Variants in CYBRD1 observed in about 807,000 individuals in gnomAD.
CYBRD1 encodes cytochrome b reductase 1.
CYBRD1 carries 14 observed loss-of-function variants against 21.9 expected under a neutral mutation model. The ratio of observed to expected loss-of-function variants is 0.64; its 90% CI spans 0.42 to 1.00. The LOEUF is 1.00. Ranked by LOEUF, CYBRD1 falls within the 50% of genes least tolerant of loss-of-function variation. The pLI is 0.00. For missense variants in CYBRD1, 328 were observed against 352.5 expected, an observed-to-expected ratio of 0.93 and a Z score of 0.56; for synonymous variants, 146 against 136.5, an observed-to-expected ratio of 1.07 and a Z score of -0.48.
intron 1 of CYBRD1, among the ~76,000 whole-genome samples, chr2:171,529,586 C>A (rs1163450857): frequency 2.9e-5 from 4 of 136,962 alleles, no homozygotes; most frequent in Non-Finnish European, 4.7e-5. Flanking sequence ...CCATACTGAA[C>A]ACCAGTCTAC....
chr2:171,530,973 G>A (rs1314799729), intron 1 of CYBRD1, among the ~76,000 whole-genome samples: 2 of 151,802 alleles, frequency 1.3e-5, no homozygotes, highest in Non-Finnish European at 2.9e-5. Flanking sequence ...GCAACATGGT[G>A]AAACCCCATC....
At chr2:171,523,180 G>T in intron 1 of CYBRD1, 1 of 353,034 alleles carries the variant, frequency 2.8e-6, no homozygotes, top group South Asian at 2.2e-5. Flanking sequence ...CTGCGCGATC[G>T]GGGGCGCGGA....
intron 1 of CYBRD1, among the ~76,000 whole-genome samples, chr2:171,533,675 A>T (rs1159547064): frequency 6.6e-6 from 1 of 152,126 alleles, no homozygotes; most frequent in East Asian, 1.9e-4. Context: ...CAAACCAGAG[A>T]TTACATTTTA....
chr2:171,540,111 A>C (rs965834887), intron 1 of CYBRD1, among the ~76,000 whole-genome samples: 5 of 152,174 alleles, frequency 3.3e-5, no homozygotes, highest in African/African-American at 1.2e-4. Context: ...CAGCACCTAG[A>C]TTGAGAAACA....
chr2:171,524,377 C>G (rs749795357), intron 1 of CYBRD1, among the ~76,000 whole-genome samples: 2 of 152,210 alleles, frequency 1.3e-5, no homozygotes, highest in African/African-American at 2.4e-5. Flanking sequence ...CTGTCTACAC[C>G]TTGTTTGCTC....
At chr2:171,545,434 A>G (rs1312535189) in intron 2 of CYBRD1, among the ~76,000 whole-genome samples, 6 of 143,658 alleles carry the variant, frequency 4.2e-5, no homozygotes, top group African/African-American at 1.6e-4. Context: ...GCTGGAGTGC[A>G]GTGCTGCCAC....
At chr2:171,533,693 T>C (rs1574435129) in intron 1 of CYBRD1, among the ~76,000 whole-genome samples, 2 of 152,272 alleles carry the variant, frequency 1.3e-5, no homozygotes, top group East Asian at 3.9e-4. Context: ...TTAGAGAGTA[T>C]ACATTTTCAC....
At chr2:171,525,182 C>T (rs1004510163) in intron 1 of CYBRD1, among the ~76,000 whole-genome samples, 21 of 152,176 alleles carry the variant, frequency 1.4e-4, no homozygotes, top group Non-Finnish European at 5.9e-5. Flanking sequence ...AAGTGATCCG[C>T]CTACCTCGGC....
rs181647548 is a variant in CYBRD1 at position 171,541,450 on chromosome 2, A to G, written c.194-135A>G. On this transcript the variant is annotated intron_variant, in intron 1 of 3. Transcript: ENST00000321348. ...GGAGCCACTGAGAGGCAGGGGTAAC[A>G]TGGGGAAGAGGGGAGAAGCAAAAGC... The G allele has an allele frequency of 1.6e-5, 13 of 806,620 alleles. No homozygotes were observed. The East Asian group carries it at 3.4e-4, about 21-fold the overall frequency. The allele number at this position is 806,620 out of a possible 1,614,324, so 50.0% of individuals were successfully genotyped here.
chr2:171,545,203 C>G (rs1355345077), intron 2 of CYBRD1, among the ~76,000 whole-genome samples: 1 of 150,914 alleles, frequency 6.6e-6, no homozygotes, highest in East Asian at 1.9e-4. Context: ...CTGCCAAAGG[C>G]TAAAAAAGAA....
At chr2:171,540,772 CTTTTTT>C (rs60636441) in intron 1 of CYBRD1, 1 of 109,940 alleles carries the variant, frequency 9.1e-6, no homozygotes, top group African/African-American at 3.7e-5. Context: ...CAAACTAAGA[CTTTTTT>C]TTTTTTTTTT....
Position 171,541,195 on chromosome 2 carries a change from G to T in CYBRD1, c.194-390G>T, listed in dbSNP as rs371208708. On this transcript the variant is annotated intron_variant, in intron 1 of 3. Coordinates refer to ENST00000321348, the MANE Select transcript of CYBRD1 (RefSeq NM_024843.4). ...GTACGGAAATACCAAGAAGACATTGGATTATGCAGATCTGAAGCTTAGAAG... is the reference window on the plus strand; with the variant it reads ...GTACGGAAATACCAAGAAGACATTGTATTATGCAGATCTGAAGCTTAGAAG... 2.0e-4 allele frequency: 55 copies of T among 274,692 alleles called. 1 individual carries two copies. The highest frequency in any genetic ancestry group is 1.2e-3 in the African/African-American group (54 of 45,800). The allele number at this position is 274,692 out of a possible 1,614,324, so 17.0% of individuals were successfully genotyped here. A position where few individuals can be genotyped will look rare whatever the true frequency, so the allele number is the denominator to read the frequency against.
chr2:171,526,565 C>G lies in CYBRD1; in HGVS notation c.193+3827C>G, dbSNP rs76175959. Among the ~76,000 whole-genome samples, 7 of 152,232 alleles carry G rather than the reference C, an allele frequency of 4.6e-5. No homozygotes were observed. In the East Asian group the frequency reaches 1.2e-3, roughly 25 times the overall value. ...ATAAAATTTTAAACTAGTGGGAAAT[C>G]TAGCTAACAGACTCTAACATGAATG... On this transcript the variant is annotated intron_variant, in intron 1 of 3. Transcript: ENST00000321348.
At chr2:171,523,249 AG>A in intron 1 of CYBRD1, 1 of 428,992 alleles carries the variant, frequency 2.3e-6, no homozygotes, top group South Asian at 1.7e-5. Flanking sequence ...GAGGAGGGGA[AG>A]GCAGCGGGGA....
rs1697703914 is a variant in CYBRD1 at position 171,545,772 on chromosome 2, TGGGTAATGAACAAATCA to T, written c.402+3987_402+4003del. 3.3e-5 allele frequency among the ~76,000 whole-genome samples: 5 copies of T among 152,242 alleles called. No homozygotes were observed. In the South Asian group the frequency reaches 1.0e-3, roughly 32 times the overall value. On this transcript the variant is annotated intron_variant, in intron 2 of 3. Coordinates refer to ENST00000321348, the MANE Select transcript of CYBRD1 (RefSeq NM_024843.4). Reference sequence around the variant, plus strand: ...ATGATATTTTGATAAAAGTATACAATGGGTAATGAACAAATCAGGGTAATTGGGATACCCATTATTTC... The same window carrying T: ...ATGATATTTTGATAAAAGTATACAATGGGTAATTGGGATACCCATTATTTC...
chr2:171,526,138 G>T (rs1181033119), intron 1 of CYBRD1, among the ~76,000 whole-genome samples: 1 of 151,882 alleles, frequency 6.6e-6, no homozygotes, highest in African/African-American at 2.4e-5. Flanking sequence ...GTGGTGGCAG[G>T]CACCTGTAAT....
At chr2:171,541,542 A>G (rs757545936) in intron 1 of CYBRD1, 43 bp from the exon 2 acceptor site, 1 of 1,592,476 alleles carries the variant, frequency 6.3e-7, no homozygotes, top group Non-Finnish European at 8.6e-7. Context: ...GTTGTTTAAA[A>G]AACAAAACAA....
Position 171,554,848 on chromosome 2 carries a change from A to C in CYBRD1, c.*21A>C. ...TGTAAAATGTTGTAGAGATAGAGCC[A>C]TATAACGTCACGTTTCAAAACTAGC... is the stretch of plus-strand genomic sequence containing the variant. On this transcript the variant is annotated 3_prime_UTR_variant, in exon 4 of 4. Coordinates refer to ENST00000321348, the MANE Select transcript of CYBRD1 (RefSeq NM_024843.4). The C allele has an allele frequency of 6.2e-7, 1 of 1,611,262 alleles. No individual in the cohort carries two copies. The highest frequency in any genetic ancestry group is 8.5e-7 in the Non-Finnish European group (1 of 1,179,128).
chr2:171,536,891 G>A (rs1697554090), intron 1 of CYBRD1, among the ~76,000 whole-genome samples: 1 of 152,042 alleles, frequency 6.6e-6, no homozygotes, highest in Non-Finnish European at 1.5e-5. Context: ...GTATGTAGAT[G>A]TTCAAGTTCA....
Sources: allele counts gnomAD v4.1 joint callset (sites outside exome capture counted in the v4.1 genomes callset), GRCh38; gene constraint gnomAD v4.1.1; transcripts MANE v1.5; gene names NCBI Gene and HGNC (gene_info 2026-07-23, HGNC 2026-07-21).